Variants in RIC3 observed in about 807,000 individuals in gnomAD.
RIC3 encodes RIC3 acetylcholine receptor chaperone.
A neutral mutation model predicts 27.3 loss-of-function variants in RIC3; 28 were observed. That is an observed-to-expected ratio of 1.02 (90% CI 0.76 to 1.41). The LOEUF is 1.41. RIC3 is among the 40% of genes most tolerant of loss of function. The pLI is 0.00. For synonymous variants in RIC3, 184 were observed against 160.4 expected, an observed-to-expected ratio of 1.15 and a Z score of -1.11; for missense variants, 501 against 444.7, an observed-to-expected ratio of 1.13 and a Z score of -1.14.
chr11:8,127,579 G>T (rs1947139917), intron 4 of RIC3, among the ~76,000 whole-genome samples: 1 of 152,148 alleles, frequency 6.6e-6, no homozygotes, highest in South Asian at 2.1e-4. Flanking sequence ...TGAGACTCAA[G>T]GATAACAGTT....
chr11:8,135,165 T>C (rs188848120), intron 4 of RIC3, among the ~76,000 whole-genome samples: 5,092 of 152,224 alleles, frequency 0.033, 277 homozygotes, highest in African/African-American at 0.12. Context: ...TTGTATAAGG[T>C]GTAAGGAAGG....
At chr11:8,157,972 C>A (rs929867158) in intron 1 of RIC3, among the ~76,000 whole-genome samples, 33 of 152,062 alleles carry the variant, frequency 2.2e-4, no homozygotes, top group African/African-American at 7.5e-4. Flanking sequence ...AAATGATTTC[C>A]TAATCTCTGT....
Position 8,142,487 on chromosome 11 carries a change from A to C in RIC3, c.125-2294T>G, listed in dbSNP as rs1590258251. Among the ~76,000 whole-genome samples the C allele has an allele frequency of 8.7e-5, 13 of 150,260 alleles. No individual in the cohort carries two copies. The South Asian group carries it at 2.8e-3, about 32-fold the overall frequency. The stretch of plus-strand genomic sequence containing the variant: ...CCAAGACTAAACCAGGAAGAAGTTG[A>C]ATCTCTGAATAGACCAGTAACAGGA... On this transcript the variant is annotated intron_variant, in intron 1 of 5. Coordinates refer to ENST00000309737, the MANE Select transcript of RIC3 (RefSeq NM_001206671.4).
chr11:8,138,569 T>G (rs1948675018), intron 2 of RIC3: 1 of 487,434 alleles, frequency 2.1e-6, no homozygotes, highest in Non-Finnish European at 3.6e-6. Flanking sequence ...AAGTAGAGAT[T>G]CCTCTTCAAA....
downstream of RIC3, chr11:8,103,426 G>C (rs1283382141): frequency 6.6e-6 from 1 of 152,252 alleles, no homozygotes; most frequent in East Asian, 1.9e-4. Context: ...AAACGTGTTA[G>C]GCTTTATAGG....
At chr11:8,159,370 G>A (rs1462372526) in intron 1 of RIC3, among the ~76,000 whole-genome samples, 1 of 152,170 alleles carries the variant, frequency 6.6e-6, no homozygotes, top group Non-Finnish European at 1.5e-5. Context: ...AGCAAATGGG[G>A]AAGAGAATTA....
At chr11:8,158,547 C>T (rs1376990552) in intron 1 of RIC3, among the ~76,000 whole-genome samples, 1 of 151,480 alleles carries the variant, frequency 6.6e-6, no homozygotes, top group African/African-American at 2.4e-5. Flanking sequence ...AAGTTCTTGA[C>T]CAAGTGTGCT....
chr11:8,096,771 C>T, the RIC3 span: 15 of 1,614,140 alleles, frequency 9.3e-6, no homozygotes, highest in South Asian at 3.3e-5. Flanking sequence ...TAGTAACACC[C>T]GCCCCAGCTC....
At chr11:8,139,914 A>G in intron 2 of RIC3, 53 bp downstream of exon 2, 1 of 1,459,708 alleles carries the variant, frequency 6.9e-7, no homozygotes, top group Non-Finnish European at 9.5e-7. Context: ...AATGATTTTT[A>G]TTGCCATATT....
At chr11:8,145,122 T>A (rs1053575449) in intron 1 of RIC3, among the ~76,000 whole-genome samples, 2 of 146,538 alleles carry the variant, frequency 1.4e-5, no homozygotes, top group Admixed American at 1.4e-4. Flanking sequence ...ATGGCACATG[T>A]ATACATATGT....
At chr11:8,116,035 G>C (rs1223166357) in intron 5 of RIC3, among the ~76,000 whole-genome samples, 1 of 152,090 alleles carries the variant, frequency 6.6e-6, no homozygotes, top group Non-Finnish European at 1.5e-5. Context: ...TATGTTACTG[G>C]CATAAAAACA....
rs150133415 is a variant in RIC3, at chr11:8,140,009, G to A, written c.309C>T (p.Tyr103=). ...GTATATATAAAAAAATCCCAAAACC[G>A]TAGATTGGAATAATCTGCCCCATCA... is the stretch of plus-strand genomic sequence containing the variant. ...RGLMGQIIPI[Y]GFGIFLYILY... Residue 103 remains tyrosine (Y), a synonymous_variant, in exon 2 of 6, where the codon TAC becomes TAT. Coordinates refer to ENST00000309737, the MANE Select transcript of RIC3 (RefSeq NM_001206671.4). 2.3e-5 allele frequency: 37 copies of A among 1,613,880 alleles called. No homozygotes were observed. The highest frequency in any genetic ancestry group is 1.7e-4 in the Middle Eastern group (1 of 6,060).
chr11:8,159,936 G>A (rs573392174), intron 1 of RIC3, among the ~76,000 whole-genome samples: 1 of 152,164 alleles, frequency 6.6e-6, no homozygotes, highest in South Asian at 2.1e-4. Context: ...AGAGGTTGCA[G>A]TGAACTCAGA....
chr11:8,110,150 C>A lies in RIC3; in HGVS notation c.*548G>T. 5.8e-6 allele frequency: 1 copy of A among 170,990 alleles called. No homozygotes were observed. Among genetic ancestry groups the A allele is most frequent in the East Asian group, 1.6e-4 (1 of 6,408 alleles). 10.6% of individuals were successfully genotyped at this position (170,990 alleles called of 1,614,324 possible). ...ATCAATGTTCCTAGGAAGACCCTCGCTGCGAGGAAGAGGCTTCAGCTTAGA... is the reference window on the plus strand; with the variant it reads ...ATCAATGTTCCTAGGAAGACCCTCGATGCGAGGAAGAGGCTTCAGCTTAGA... On this transcript the variant is annotated 3_prime_UTR_variant, in exon 6 of 6. Coordinates refer to ENST00000309737, the MANE Select transcript of RIC3 (RefSeq NM_001206671.4).
At chr11:8,095,640 T>G in the RIC3 span, 19 of 1,606,826 alleles carry the variant, frequency 1.2e-5, no homozygotes, top group South Asian at 2.1e-4. Flanking sequence ...GCGGGCAGGA[T>G]CTCCGTGCCA....
At chr11:8,134,156 C>T (rs1440410653) in intron 4 of RIC3, among the ~76,000 whole-genome samples, 2 of 152,166 alleles carry the variant, frequency 1.3e-5, no homozygotes, top group East Asian at 3.9e-4. Flanking sequence ...TCCCCTCAGC[C>T]CACAACAGGC....
chr11:8,137,149 C>G (rs553097949), intron 4 of RIC3, among the ~76,000 whole-genome samples: 1 of 152,090 alleles, frequency 6.6e-6, no homozygotes, highest in East Asian at 1.9e-4. Flanking sequence ...CTCAGCCTCC[C>G]GAGTAGCTGG....
At position 8,109,135 on chromosome 11, in the gene RIC3, G is replaced by T. The variant is rs1176327055; in HGVS notation, c.*1563C>A. 3.3e-5 allele frequency: 5 copies of T among 152,200 alleles called. No individual in the cohort carries two copies. The highest frequency in any genetic ancestry group is 7.3e-5 in the Non-Finnish European group (5 of 68,030). 9.4% of individuals were successfully genotyped at this position (152,200 alleles called of 1,614,324 possible). ...TAACTCAATTAACAATAAATGCCTA[G>T]TAGTAGCTGACAGATTATCTTAATA... On this transcript the variant is annotated 3_prime_UTR_variant, in exon 6 of 6. Transcript: ENST00000309737.
At chr11:8,163,018 AACACACACAC>A (rs59248468) in intron 1 of RIC3, among the ~76,000 whole-genome samples, 6 of 135,960 alleles carry the variant, frequency 4.4e-5, no homozygotes, top group South Asian at 2.5e-4. Context: ...GGATTATTTA[AACACACACAC>A]ACACACACAC....
Sources: gnomAD v4.1 joint callset for allele counts (sites outside exome capture counted in the v4.1 genomes callset) on GRCh38, gnomAD v4.1.1 for gene constraint, MANE v1.5 for transcripts, NCBI Gene and HGNC (gene_info 2026-07-23, HGNC 2026-07-21) for gene names.